MED19: variants seen among roughly 807,000 people sequenced by gnomAD.
MED19 encodes mediator complex subunit 19, also known as mediator of RNA polymerase II transcription subunit 19.
MED19 carries 4 observed loss-of-function variants against 19.9 expected under a neutral mutation model. The ratio of observed to expected loss-of-function variants is 0.20; its 90% CI spans 0.10 to 0.46. MED19 has a LOEUF of 0.46. MED19 is among the 20% of genes least tolerant of loss of function. The probability of loss-of-function intolerance (pLI) is 0.99; values close to 1 mark genes in which losing one functional copy is unlikely to be tolerated. For missense variants in MED19, 303 were observed against 318.7 expected, an observed-to-expected ratio of 0.95 and a Z score of 0.38; for synonymous variants, 139 against 119.6, an observed-to-expected ratio of 1.16 and a Z score of -1.06.
At chr11:57,705,062 A>G in exon 2 of MED19, 1 of 1,614,180 alleles carries the variant, frequency 6.2e-7, no homozygotes. Context: ...TCAATGAGAG[A>G]GCGGAGGCTG....
chr11:57,704,388 A>G, exon 4 of MED19: 1 of 1,538,164 alleles, frequency 6.5e-7, no homozygotes, highest in Non-Finnish European at 8.7e-7. Context: ...TCTGAATCAG[A>G]TGGTGTTTCT....
chr11:57,706,445 A>G (rs1299092154), intron 1 of MED19, among the ~76,000 whole-genome samples: 4 of 152,024 alleles, frequency 2.6e-5, no homozygotes, highest in Non-Finnish European at 5.9e-5. Context: ...GAGCCACAGC[A>G]CGCATCCAGG....
chr11:57,704,036 T>A (rs768673842), exon 5 of MED19: 2 of 1,536,136 alleles, frequency 1.3e-6, no homozygotes, highest in South Asian at 1.2e-5. Context: ...CCAGTGGTCC[T>A]ATTAGCGTAG....
At chr11:57,712,181 G>T (rs200909581) in exon 1 of MED19, 67 of 1,519,240 alleles carry the variant, frequency 4.4e-5, no homozygotes, top group Non-Finnish European at 5.6e-5. Context: ...ATTCTCCATC[G>T]TACCCTCCGC....
At chr11:57,706,101 AT>A (rs1246350949) in intron 1 of MED19, among the ~76,000 whole-genome samples, 1 of 151,698 alleles carries the variant, frequency 6.6e-6, no homozygotes, top group Non-Finnish European at 1.5e-5. Flanking sequence ...CAACATCTTT[AT>A]TCTTCCTCGT....
At chr11:57,711,392 G>A (rs1216608153) in intron 1 of MED19, among the ~76,000 whole-genome samples, 1 of 152,140 alleles carries the variant, frequency 6.6e-6, no homozygotes, top group South Asian at 2.1e-4. Context: ...AGTCTCGTTC[G>A]CCCAGGCTGG....
intron 1 of MED19, among the ~76,000 whole-genome samples, chr11:57,707,869 G>A (rs1946526141): frequency 6.6e-6 from 1 of 152,102 alleles, no homozygotes; most frequent in Non-Finnish European, 1.5e-5. Context: ...GTCTCGCTCT[G>A]TCACCCAGGC....
chr11:57,706,928 T>A (rs191088974), intron 1 of MED19, among the ~76,000 whole-genome samples: 2 of 152,208 alleles, frequency 1.3e-5, no homozygotes, highest in African/African-American at 4.8e-5. Flanking sequence ...CTTGGCACAG[T>A]GGTTCATGCC....
At chr11:57,704,791 G>C in exon 3 of MED19, 3 of 1,607,318 alleles carry the variant, frequency 1.9e-6, no homozygotes, top group Non-Finnish European at 1.7e-6. Context: ...GGCTGAATAT[G>C]CATCAGACGA....
At chr11:57,704,587 A>AG in intron 3 of MED19, 132 bp downstream of exon 3, 1 of 1,602,098 alleles carries the variant, frequency 6.2e-7, no homozygotes, top group Non-Finnish European at 8.5e-7. Flanking sequence ...TTTCTTCTTC[A>AG]GGGGAATTTA....
chr11:57,709,783 A>C (rs866517634), intron 1 of MED19, among the ~76,000 whole-genome samples: 4 of 152,056 alleles, frequency 2.6e-5, no homozygotes, highest in African/African-American at 9.7e-5. Flanking sequence ...CTGGTCTCAA[A>C]CTTTTGGGCT....
At chr11:57,703,910 C>A (rs1432276703) in exon 5 of MED19, 14 of 1,400,110 alleles carry the variant, frequency 1.0e-5, no homozygotes, top group Non-Finnish European at 1.3e-5. Flanking sequence ...CTGAGCCCAA[C>A]AGGAGCTGGC....
chr11:57,705,343 A>T (rs1946496829), intron 1 of MED19, 114 bp from the exon 2 acceptor site: 13 of 1,233,252 alleles, frequency 1.1e-5, no homozygotes, highest in Non-Finnish European at 1.2e-5. Context: ...TTTAAAATTT[A>T]AAATTTATTT....
intron 1 of MED19, 89 bp downstream of exon 1, chr11:57,711,874 C>T (rs981485388): frequency 3.0e-6 from 4 of 1,351,186 alleles, no homozygotes; most frequent in African/African-American, 1.5e-5. Flanking sequence ...CCTAGGTTAC[C>T]TCGCACCTCC....
exon 5 of MED19, chr11:57,703,956 T>G: frequency 6.6e-7 from 1 of 1,516,328 alleles, no homozygotes. Flanking sequence ...CAAGGCAGTG[T>G]CCAAGAGCCT....
intron 1 of MED19, among the ~76,000 whole-genome samples, chr11:57,705,551 G>T (rs2135415137): frequency 6.6e-6 from 1 of 152,062 alleles, no homozygotes; most frequent in South Asian, 2.1e-4. Context: ...CTACTCAGGA[G>T]GCTGGGGCAG....
chr11:57,704,870 C>T (rs2135414290), intron 2 of MED19, 55 bp from the exon 3 acceptor site: 1 of 1,609,584 alleles, frequency 6.2e-7, no homozygotes, highest in South Asian at 1.1e-5. Context: ...CTCTCCTGCT[C>T]TTATCATCCA....
At chr11:57,709,086 A>G (rs1946535645) in intron 1 of MED19, among the ~76,000 whole-genome samples, 1 of 152,214 alleles carries the variant, frequency 6.6e-6, no homozygotes, top group Non-Finnish European at 1.5e-5. Context: ...TGAGACAATG[A>G]AAGGCATCTG....
chr11:57,703,784 AAG>A (rs1252232649), exon 5 of MED19: 10 of 455,480 alleles, frequency 2.2e-5, no homozygotes, highest in Admixed American at 3.8e-5. Context: ...AATTGCACAA[AAG>A]AGAGAGAAGA....
Sources: allele counts gnomAD v4.1 joint callset (sites outside exome capture counted in the v4.1 genomes callset), GRCh38; gene constraint gnomAD v4.1.1; transcripts MANE v1.5; gene names NCBI Gene and HGNC (gene_info 2026-07-23, HGNC 2026-07-21).